PPP4R2: variants seen among roughly 807,000 people sequenced by gnomAD.
The protein encoded by PPP4R2 is protein phosphatase 4 regulatory subunit 2.
PPP4R2 carries 13 observed loss-of-function variants against 47.2 expected under a neutral mutation model. The ratio of observed to expected loss-of-function variants is 0.28; its 90% confidence interval spans 0.18 to 0.44. PPP4R2 has a LOEUF of 0.44. Among genes scored for constraint, PPP4R2 ranks in the 20% least tolerant of loss-of-function variants. PPP4R2 has a pLI of 1.00. For missense variants in PPP4R2, 421 were observed against 491.2 expected, an observed-to-expected ratio of 0.86 and a Z score of 1.35; for synonymous variants, 151 against 163.3, an observed-to-expected ratio of 0.92 and a Z score of 0.57.
In PPP4R2 at chr3:73,065,497, T is replaced by C. The variant is rs138734475; in HGVS notation, c.1029T>C (p.Asn343=). 4.7e-5 allele frequency: 75 copies of C among 1,611,744 alleles called. No homozygotes were observed. The African/African-American group carries it at 8.9e-4, about 19-fold the overall frequency. ...TGAATGAAGAGACTTCTGAGGAAAA[T>C]AATCAAATGGAGGAATCTGATGTGT... ...LTVNEETSEE[N]NQMEESDVSQ... The change falls in exon 9 of 9, where the codon AAT becomes AAC. Residue 343 remains asparagine (N), a synonymous_variant. Coordinates refer to ENST00000356692, the MANE Select transcript of PPP4R2 (RefSeq NM_174907.4).
intron 3 of PPP4R2, 22 bp from the exon 4 acceptor site, chr3:73,059,015 G>T (rs1225673923): frequency 7.0e-7 from 1 of 1,426,686 alleles, no homozygotes; most frequent in South Asian, 1.2e-5. Context: ...ATCTCACACT[G>T]TAAAATTATA....
intron 2 of PPP4R2, among the ~76,000 whole-genome samples, chr3:73,036,238 G>A (rs990073655): frequency 3.9e-5 from 6 of 152,166 alleles, no homozygotes; most frequent in Admixed American, 3.3e-4. Flanking sequence ...GGTTATCAGA[G>A]GCTGAGAAGG....
chr3:73,032,292 T>TTG (rs1235666711), intron 2 of PPP4R2, among the ~76,000 whole-genome samples: 2 of 151,624 alleles, frequency 1.3e-5, no homozygotes, highest in Admixed American at 6.6e-5. Flanking sequence ...ATTATTTCTT[T>TTG]TTTTTTTTTT....
rs534959425 is a variant in PPP4R2 at position 73,055,693 on chromosome 3, C to T, written c.288-3344C>T. 3.2e-4 allele frequency among the ~76,000 whole-genome samples: 47 copies of T among 148,454 alleles called. 1 individual carries two copies. The highest frequency in any genetic ancestry group is 3.1e-3 in the Admixed American group (46 of 14,822). On this transcript the variant is annotated intron_variant, in intron 3 of 8. Coordinates refer to ENST00000356692, the MANE Select transcript of PPP4R2 (RefSeq NM_174907.4). Reference sequence around the variant, plus strand: ...TTTTTTTTTTTTGGAGACAGTCTCACTCTTATCACCCAGGCTGGAGTGCAG... The same window carrying T: ...TTTTTTTTTTTTGGAGACAGTCTCATTCTTATCACCCAGGCTGGAGTGCAG...
chr3:73,051,993 A>G (rs571095708), intron 3 of PPP4R2, among the ~76,000 whole-genome samples: 7 of 152,256 alleles, frequency 4.6e-5, no homozygotes, highest in East Asian at 1.9e-4. Flanking sequence ...TTCCTGAACT[A>G]TAAGCTTCTG....
chr3:73,051,665 G>GA (rs1702615529), intron 3 of PPP4R2, among the ~76,000 whole-genome samples: 1 of 152,084 alleles, frequency 6.6e-6, no homozygotes, highest in Non-Finnish European at 1.5e-5. Context: ...CTCGCTCTTT[G>GA]CCCAGGCTGG....
chr3:73,026,110 C>T (rs1323745305), intron 2 of PPP4R2, among the ~76,000 whole-genome samples: 1 of 152,174 alleles, frequency 6.6e-6, no homozygotes, highest in African/African-American at 2.4e-5. Flanking sequence ...TGATTAAAAT[C>T]TTTCTGCACC....
rs1420641555 is a variant in PPP4R2 at position 73,065,031 on chromosome 3, T to A, written c.818T>A (p.Val273Glu). 1 of 1,613,796 alleles carries A rather than the reference T, an allele frequency of 6.2e-7. No homozygotes were observed. The highest frequency in any genetic ancestry group is 1.1e-5 in the South Asian group (1 of 91,054). ...TCCAGCGAAATTTCTTCAGTTATGG[T>A]AGGAGAAACAGAAGCATCATCTTCA... ...TTSSEISSVM[V>E]GETEASSSSQ... Residue 273 changes from valine to glutamate, a missense_variant, in exon 8 of 9, where the codon GTA (valine) becomes GAA (glutamate). By Grantham distance (121) the Val-to-Glu change is moderately radical. Transcript: ENST00000356692.
chr3:73,010,927 AG>A (rs1701711312), intron 2 of PPP4R2, among the ~76,000 whole-genome samples: 1 of 152,200 alleles, frequency 6.6e-6, no homozygotes, highest in Non-Finnish European at 1.5e-5. Context: ...AACCTGATTT[AG>A]TCTTTACAAC....
chr3:73,012,682 A>C (rs768415650), intron 2 of PPP4R2, among the ~76,000 whole-genome samples: 1 of 152,156 alleles, frequency 6.6e-6, no homozygotes. Context: ...CTGTATTTCT[A>C]TTTAAAATTG....
At chr3:73,021,483 C>G (rs1701958457) in intron 2 of PPP4R2, among the ~76,000 whole-genome samples, 1 of 152,056 alleles carries the variant, frequency 6.6e-6, no homozygotes, top group Non-Finnish European at 1.5e-5. Context: ...GCCTTCCTCC[C>G]ACCTCTGACT....
intron 2 of PPP4R2, among the ~76,000 whole-genome samples, chr3:73,032,285 A>G (rs1057069079): frequency 1.4e-5 from 2 of 146,564 alleles, no homozygotes; most frequent in Non-Finnish European, 3.0e-5. Context: ...CTTTAAAATT[A>G]TTTCTTTTTT....
chr3:73,007,443 T>C (rs1040810358), intron 2 of PPP4R2, among the ~76,000 whole-genome samples: 1 of 151,528 alleles, frequency 6.6e-6, no homozygotes, highest in Non-Finnish European at 1.5e-5. Flanking sequence ...GAGGTTTCTT[T>C]TATCTTTTTC....
chr3:73,018,352 G>A (rs1398847266), intron 2 of PPP4R2, among the ~76,000 whole-genome samples: 1 of 141,962 alleles, frequency 7.0e-6, no homozygotes, highest in Non-Finnish European at 1.6e-5. Context: ...GGTATACACA[G>A]GAGTCTTGGA....
chr3:73,060,728 TTACTC>T (rs1267843729), intron 4 of PPP4R2, among the ~76,000 whole-genome samples: 2 of 152,210 alleles, frequency 1.3e-5, no homozygotes, highest in African/African-American at 2.4e-5. Context: ...CTGAGCTTAG[TTACTC>T]TACTACGTAT....
intron 2 of PPP4R2, among the ~76,000 whole-genome samples, chr3:73,000,915 T>C (rs915852457): frequency 1.1e-4 from 16 of 152,320 alleles, no homozygotes; most frequent in African/African-American, 3.8e-4. Flanking sequence ...TTTGATGGGT[T>C]TGAGTTGCAA....
intron 2 of PPP4R2, among the ~76,000 whole-genome samples, chr3:73,045,061 T>C (rs1025183501): frequency 6.6e-6 from 1 of 152,206 alleles, no homozygotes; most frequent in Non-Finnish European, 1.5e-5. Flanking sequence ...TGGTGTGATC[T>C]TGGCTTACTG....
chr3:73,049,325 C>T (rs867071373), intron 3 of PPP4R2, among the ~76,000 whole-genome samples: 17 of 151,910 alleles, frequency 1.1e-4, no homozygotes, highest in African/African-American at 1.7e-4. Context: ...GGTGAAACCC[C>T]GTCTCTACTA....
At chr3:73,018,452 T>TGTTATGTTTGTTATGTTATTTATG in intron 2 of PPP4R2, among the ~76,000 whole-genome samples, 1 of 96,560 alleles carries the variant, frequency 1.0e-5, no homozygotes, top group African/African-American at 3.6e-5. Flanking sequence ...TGTTATGTTA[T>TGTTATGTTTGTTATGTTATTTATG]TTATGTTATG....
Sources: allele counts gnomAD v4.1 joint callset (sites outside exome capture counted in the v4.1 genomes callset), GRCh38; gene constraint gnomAD v4.1.1; transcripts MANE v1.5; gene names NCBI Gene and HGNC (gene_info 2026-07-23, HGNC 2026-07-21).